The following DNAH11 variants were observed in gnomAD, a reference collection of about 807,000 sequenced individuals.
DNAH11 encodes axonemal beta dynein heavy chain 11.
Under a neutral mutation model 526.0 loss-of-function variants are expected in DNAH11, and 442 were observed. That is an observed-to-expected ratio of 0.84 (90% CI 0.78 to 0.91). The LOEUF is 0.91. DNAH11 is among the 40% of genes least tolerant of loss of function. The probability of loss-of-function intolerance (pLI) is 0.00; values close to 1 mark genes in which losing one functional copy is unlikely to be tolerated. For missense variants in DNAH11, 6,989 were observed against 5,448.7 expected, an observed-to-expected ratio of 1.28 and a Z score of -8.90; for synonymous variants, 2,461 against 1,935.9, an observed-to-expected ratio of 1.27 and a Z score of -7.12.
intron 25 of DNAH11, among the ~76,000 whole-genome samples, chr7:21,633,203 GA>G (rs1786698386): frequency 1.3e-5 from 2 of 152,184 alleles, no homozygotes; most frequent in African/African-American, 4.8e-5. Flanking sequence ...TTTGGGTGGG[GA>G]CACAGCCAAA....
chr7:21,788,023 T>A (rs1325179143), intron 60 of DNAH11, among the ~76,000 whole-genome samples: 1 of 152,226 alleles, frequency 6.6e-6, no homozygotes, highest in African/African-American at 2.4e-5. Context: ...AGTATTTTAA[T>A]GACAGGTAAG....
intron 54 of DNAH11, among the ~76,000 whole-genome samples, chr7:21,757,109 A>C (rs987392424): frequency 4.6e-5 from 7 of 152,240 alleles, no homozygotes; most frequent in Non-Finnish European, 8.8e-5. Flanking sequence ...CAGTGCACAC[A>C]TTAATTCCAC....
intron 36 of DNAH11, among the ~76,000 whole-genome samples, chr7:21,701,897 T>TG (rs1316450501): frequency 2.0e-5 from 3 of 151,966 alleles, no homozygotes; most frequent in Non-Finnish European, 4.4e-5. Context: ...ATTTGAGAGA[T>TG]GGGTTGTTAC....
Position 21,786,302 on chromosome 7 carries a change from A to ATGTG in DNAH11, c.9598-298_9598-295dup, listed in dbSNP as rs58775729. ...TATAAATATCTTACAACATATACAC[A>ATGTG]TGTGTGTGTGTGTGTGTGTGTGTGT... On this transcript the variant is annotated intron_variant, in intron 58 of 81. Transcript: ENST00000409508. Among the ~76,000 whole-genome samples, 49,663 of 150,676 alleles carry ATGTG rather than the reference A, an allele frequency of 0.33. 8,450 individuals are homozygous for ATGTG. The highest frequency in any genetic ancestry group is 0.49 in the East Asian group (2,477 of 5,104).
At chr7:21,694,312 A>C (rs1783754685) in intron 35 of DNAH11, among the ~76,000 whole-genome samples, 1 of 152,140 alleles carries the variant, frequency 6.6e-6, no homozygotes, top group Admixed American at 6.6e-5. Flanking sequence ...TAAGCCCTGC[A>C]TGCATTAGGT....
chr7:21,619,844 C>T (rs1298763465), intron 24 of DNAH11, 112 bp from the exon 25 acceptor site: 4 of 1,016,012 alleles, frequency 3.9e-6, no homozygotes, highest in South Asian at 3.1e-5. Flanking sequence ...GCCAATAATA[C>T]TTGATATCAG....
At chr7:21,863,579 G>C (rs1017889605) in intron 69 of DNAH11, among the ~76,000 whole-genome samples, 6 of 152,144 alleles carry the variant, frequency 3.9e-5, no homozygotes, top group African/African-American at 1.4e-4. Context: ...GCCCGCCTCT[G>C]CCTCCGAAAG....
At chr7:21,850,211 C>T (rs1782572564) in intron 66 of DNAH11, among the ~76,000 whole-genome samples, 1 of 151,554 alleles carries the variant, frequency 6.6e-6, no homozygotes, top group Admixed American at 6.6e-5. Context: ...AAAAAATTAG[C>T]CAGGTGTGGT....
At position 21,687,082 on chromosome 7, in the gene DNAH11, T is replaced by C; in HGVS notation, c.5622-17T>C. The C allele has an allele frequency of 6.2e-7, 1 of 1,602,072 alleles. No individual in the cohort carries two copies. The highest frequency in any genetic ancestry group is 8.5e-7 in the Non-Finnish European group (1 of 1,175,414). On this transcript the variant is annotated splice_polypyrimidine_tract_variant and intron_variant, in intron 32 of 81. Transcript: ENST00000409508. ...CTCATATTAGACTGTGATGTTTGTG[T>C]TTTCTATTGCTTAAAGGTGTTATAT...
chr7:21,715,962 G>T (rs1784648062), intron 42 of DNAH11, among the ~76,000 whole-genome samples: 1 of 151,490 alleles, frequency 6.6e-6, no homozygotes, highest in South Asian at 2.1e-4. Flanking sequence ...ACTTGTGGAA[G>T]TAATTTGTGC....
intron 35 of DNAH11, among the ~76,000 whole-genome samples, chr7:21,692,729 C>T (rs1289427567): frequency 6.6e-6 from 1 of 152,168 alleles, no homozygotes; most frequent in African/African-American, 2.4e-5. Flanking sequence ...GTGTGCTTTG[C>T]TTATAAGAAT....
chr7:21,704,737 G>T (rs1402295262), intron 38 of DNAH11, 109 bp downstream of exon 38: 5 of 1,226,264 alleles, frequency 4.1e-6, no homozygotes, highest in Non-Finnish European at 3.3e-6. Flanking sequence ...ACCTTAATAG[G>T]ATCTTAATAT....
intron 34 of DNAH11, 126 bp from the exon 35 acceptor site, chr7:21,690,639 T>G: frequency 1.5e-6 from 1 of 680,866 alleles, no homozygotes. Context: ...GCTTATGAAT[T>G]TTAAAGAAAA....
intron 69 of DNAH11, 31 bp from the exon 70 acceptor site, chr7:21,864,504 A>G (rs748445419): frequency 3.1e-5 from 49 of 1,605,656 alleles, no homozygotes; most frequent in Non-Finnish European, 3.8e-5. Context: ...TGTAAACCTA[A>G]TAATCCTTTT....
intron 65 of DNAH11, among the ~76,000 whole-genome samples, chr7:21,834,587 C>T (rs1215404209): frequency 6.6e-6 from 1 of 152,186 alleles, no homozygotes; most frequent in Non-Finnish European, 1.5e-5. Flanking sequence ...AATTCCAACA[C>T]TTTGGGAGGC....
At position 21,639,133 on chromosome 7, in the gene DNAH11, T is replaced by C. The variant is rs552938707; in HGVS notation, c.4944+68T>C. On this transcript the variant is annotated intron_variant, in intron 28 of 81. Transcript: ENST00000409508. ...GAGGAATGTCATAGCGTCTCTATCA[T>C]TGTCAAATGCTACCTGTCATGTCAC... is the stretch of plus-strand genomic sequence containing the variant. The C allele has an allele frequency of 1.7e-4, 253 of 1,487,884 alleles. 2 individuals are homozygous for C. The East Asian group carries it at 5.9e-3, about 35-fold the overall frequency. The allele number at this position is 1,487,884 out of a possible 1,614,324, so 92.2% of individuals were successfully genotyped here. A position where few individuals can be genotyped will look rare whatever the true frequency, so the allele number is the denominator to read the frequency against.
chr7:21,685,032 A>G (rs1221096220), intron 32 of DNAH11, among the ~76,000 whole-genome samples: 2 of 152,220 alleles, frequency 1.3e-5, no homozygotes, highest in Non-Finnish European at 2.9e-5. Flanking sequence ...GGATTCTCCC[A>G]CTACATTTGT....
In DNAH11 at chr7:21,637,643, T is replaced by G; in HGVS notation, c.4758T>G (p.Asn1586Lys). The G allele has an allele frequency of 1.3e-6, 2 of 1,590,170 alleles. No homozygotes were observed. The highest frequency in any genetic ancestry group is 1.7e-6 in the Non-Finnish European group (2 of 1,167,454). The part of the protein sequence containing the change: ...ELMFKTAKVE[N>K]VLEATCRPNL... ...TGTTCAAGACAGCCAAAGTAGAAAATGTGTTAGAAGCAACGTGCAGACCTA... is the reference window on the plus strand; with the variant it reads ...TGTTCAAGACAGCCAAAGTAGAAAAGGTGTTAGAAGCAACGTGCAGACCTA... The change falls in exon 27 of 82, where the codon AAT becomes AAG. Residue 1586 changes from asparagine (N) to lysine (K), a missense_variant. Physicochemically the swap from Asn to Lys is moderately conservative, Grantham distance 94. Coordinates refer to ENST00000409508, the MANE Select transcript of DNAH11 (RefSeq NM_001277115.2).
chr7:21,836,828 A>G (rs1782013717), intron 65 of DNAH11, among the ~76,000 whole-genome samples: 1 of 152,106 alleles, frequency 6.6e-6, no homozygotes, highest in Admixed American at 6.6e-5. Context: ...GGGAGAAAAT[A>G]TGTTCAAAAT....
Sources: allele counts gnomAD v4.1 joint callset (sites outside exome capture counted in the v4.1 genomes callset), GRCh38; gene constraint gnomAD v4.1.1; transcripts MANE v1.5; gene names NCBI Gene and HGNC (gene_info 2026-07-23, HGNC 2026-07-21).